DNAI2: variants seen among roughly 807,000 people sequenced by gnomAD.
The protein encoded by DNAI2 is dynein axonemal intermediate chain 2.
Under a neutral mutation model 74.7 loss-of-function variants are expected in DNAI2, and 63 were observed. That is an observed-to-expected ratio of 0.84 (90% CI 0.69 to 1.04). DNAI2 has a LOEUF of 1.04. Ranked by LOEUF, DNAI2 falls within the 50% of genes least tolerant of loss-of-function variation. DNAI2 has a pLI of 0.00. For missense variants in DNAI2, 688 were observed against 803.2 expected, an observed-to-expected ratio of 0.86 and a Z score of 1.73; for synonymous variants, 289 against 314.9, an observed-to-expected ratio of 0.92 and a Z score of 0.87.
At chr17:74,283,870 G>T (rs988482333) in intron 2 of DNAI2, among the ~76,000 whole-genome samples, 2 of 152,102 alleles carry the variant, frequency 1.3e-5, no homozygotes, top group Non-Finnish European at 2.9e-5. Context: ...GGGCGCAGTG[G>T]CTCATGCCTG....
At chr17:74,285,256 C>G in intron 3 of DNAI2, 55 bp downstream of exon 3, 1 of 1,590,744 alleles carries the variant, frequency 6.3e-7, no homozygotes, top group Non-Finnish European at 8.6e-7. Flanking sequence ...TGCAGCTCCC[C>G]AAGGGATGCA....
At chr17:74,284,926 A>C in intron 2 of DNAI2, 114 bp from the exon 3 acceptor site, 1 of 1,359,006 alleles carries the variant, frequency 7.4e-7, no homozygotes, top group Non-Finnish European at 1.0e-6. Context: ...GGCTCCGGCC[A>C]GGGCGCCTCA....
chr17:74,292,626 A>G (rs2052184928), intron 6 of DNAI2, among the ~76,000 whole-genome samples: 1 of 151,964 alleles, frequency 6.6e-6, no homozygotes, highest in African/African-American at 2.4e-5. Flanking sequence ...CATGCTGCCC[A>G]GGCTGGTCTT....
chr17:74,299,393 G>A (rs1353269881), intron 6 of DNAI2, among the ~76,000 whole-genome samples: 1 of 152,076 alleles, frequency 6.6e-6, no homozygotes, highest in Non-Finnish European at 1.5e-5. Context: ...ACTTCCTCCA[G>A]GAGGCCTTCC....
At chr17:74,277,211 A>G (rs2051132157) in intron 1 of DNAI2, among the ~76,000 whole-genome samples, 1 of 151,978 alleles carries the variant, frequency 6.6e-6, no homozygotes, top group Non-Finnish European at 1.5e-5. Flanking sequence ...ACATGCTGAA[A>G]CCCTGTCTCT....
intron 12 of DNAI2, 26 bp downstream of exon 12, chr17:74,312,256 G>A (rs1464675654): frequency 1.8e-6 from 1 of 556,884 alleles, no homozygotes; most frequent in South Asian, 1.5e-5. Flanking sequence ...GGGGTTGGGT[G>A]GGTTGGGGAC....
intron 9 of DNAI2, chr17:74,307,097 C>G: frequency 2.8e-6 from 1 of 360,308 alleles, no homozygotes; most frequent in Non-Finnish European, 5.5e-6. Context: ...GGGGTGGGAA[C>G]GCTGGCTGAC....
At chr17:74,293,471 T>G (rs1192865336) in intron 6 of DNAI2, among the ~76,000 whole-genome samples, 2 of 152,044 alleles carry the variant, frequency 1.3e-5, no homozygotes, top group African/African-American at 4.8e-5. Flanking sequence ...ACTCCAGCCC[T>G]CTTTGGTTAC....
chr17:74,308,797 C>CA, intron 9 of DNAI2, among the ~76,000 whole-genome samples: 1 of 152,164 alleles, frequency 6.6e-6, no homozygotes, highest in South Asian at 2.1e-4. Context: ...GCTGGGATTA[C>CA]AGGCACATGA....
intron 8 of DNAI2, among the ~76,000 whole-genome samples, chr17:74,301,966 A>AAG (rs2052836816): frequency 1.5e-4 from 1 of 6,738 alleles, no homozygotes; most frequent in African/African-American, 5.4e-4. Context: ...AAGGAAGGAA[A>AAG]GAAGGAAGGA....
Position 74,274,631 on chromosome 17 carries a change from C to T in DNAI2, c.-12+286C>T, listed in dbSNP as rs917788552. ...ACTCAGGTCCTGATACAGTCCTTGT[C>T]CTGGAGTGGACTGGAGACCTCTGAA... On this transcript the variant is annotated intron_variant, in intron 1 of 13. Coordinates refer to ENST00000311014, the MANE Select transcript of DNAI2 (RefSeq NM_023036.6). 2.6e-4 allele frequency among the ~76,000 whole-genome samples: 39 copies of T among 152,126 alleles called. 1 individual carries two copies. The highest frequency in any genetic ancestry group is 2.1e-4 in the South Asian group (1 of 4,810).
chr17:74,285,664 T>C (rs896443082), intron 3 of DNAI2, among the ~76,000 whole-genome samples: 2 of 151,952 alleles, frequency 1.3e-5, no homozygotes, highest in Non-Finnish European at 2.9e-5. Flanking sequence ...CTCTTATACA[T>C]CCTGTCCCAA....
In DNAI2 at chr17:74,274,291, G is replaced by A. The variant is rs2050933207; in HGVS notation, c.-66G>A. The A allele has an allele frequency of 1.2e-5, 1 of 82,980 alleles. No homozygotes were observed. Among genetic ancestry groups the A allele is most frequent in the African/African-American group, 3.0e-5 (1 of 33,448 alleles). The allele number at this position is 82,980 out of a possible 1,614,324, so 5.1% of individuals were successfully genotyped here. A position where few individuals can be genotyped will look rare whatever the true frequency, so the allele number is the denominator to read the frequency against. ...GCCGTTTGAGGAGCACCGGAGCCGC[G>A]ACCGTGGATTGAACGCTTCCCCAGA... On this transcript the variant is annotated 5_prime_UTR_variant, in exon 1 of 14. Transcript: ENST00000311014.
At chr17:74,294,758 A>T (rs2052335766) in intron 6 of DNAI2, among the ~76,000 whole-genome samples, 1 of 152,086 alleles carries the variant, frequency 6.6e-6, no homozygotes, top group South Asian at 2.1e-4. Context: ...GAATTCATTG[A>T]GTTTCTTGGA....
chr17:74,278,756 A>G (rs768125412), intron 1 of DNAI2, among the ~76,000 whole-genome samples: 1 of 152,146 alleles, frequency 6.6e-6, no homozygotes, highest in Non-Finnish European at 1.5e-5. Context: ...CATGGGTAAC[A>G]AAATGAGATT....
At chr17:74,310,886 T>C (rs764371131) in intron 11 of DNAI2, among the ~76,000 whole-genome samples, 27 of 151,844 alleles carry the variant, frequency 1.8e-4, no homozygotes, top group African/African-American at 3.6e-4. Context: ...TTATTTTACT[T>C]CATTTTGAGA....
At position 74,279,424 on chromosome 17, in the gene DNAI2, T is replaced by C. The variant is rs12936473; in HGVS notation, c.-11-2383T>C. Reference sequence around the variant, plus strand: ...TTGTATATTGTATATTGCATGCCTATAGCAAAACATCTCCTGTGCCCCATA... The same window carrying C: ...TTGTATATTGTATATTGCATGCCTACAGCAAAACATCTCCTGTGCCCCATA... On this transcript the variant is annotated intron_variant, in intron 1 of 13. Transcript: ENST00000311014. Among the ~76,000 whole-genome samples, 16 of 152,070 alleles carry C rather than the reference T, an allele frequency of 1.1e-4. No individual in the cohort carries two copies. The East Asian group carries it at 3.1e-3, about 29-fold the overall frequency.
intron 8 of DNAI2, among the ~76,000 whole-genome samples, chr17:74,302,826 C>T (rs961539079): frequency 6.6e-6 from 1 of 152,214 alleles, no homozygotes; most frequent in Non-Finnish European, 1.5e-5. Context: ...CTTTGGGAGG[C>T]CCTGGCCTCG....
intron 11 of DNAI2, 145 bp from the exon 12 acceptor site, chr17:74,311,858 C>G (rs2053545824): frequency 1.3e-6 from 1 of 791,418 alleles, no homozygotes; most frequent in Non-Finnish European, 2.1e-6. Flanking sequence ...TTCCTTGACA[C>G]CAGCCCTGGG....
Sources: gnomAD v4.1 joint callset for allele counts (sites outside exome capture counted in the v4.1 genomes callset) on GRCh38, gnomAD v4.1.1 for gene constraint, MANE v1.5 for transcripts, NCBI Gene and HGNC (gene_info 2026-07-23, HGNC 2026-07-21) for gene names.